The following GPHN variants were observed in gnomAD, a reference collection of about 807,000 sequenced individuals.
The protein encoded by GPHN is gephyrin.
GPHN carries 17 observed loss-of-function variants against 95.5 expected under a neutral mutation model. That is an observed-to-expected ratio of 0.18 (90% CI 0.12 to 0.27). The LOEUF is 0.27. GPHN is among the 10% of genes least tolerant of loss of function. The pLI is 1.00. For synonymous variants in GPHN, 320 were observed against 322.5 expected, an observed-to-expected ratio of 0.99 and a Z score of 0.08; for missense variants, 660 against 978.1, an observed-to-expected ratio of 0.67 and a Z score of 4.34.
chr14:67,210,575 G>A, the GPHN span, among the ~76,000 whole-genome samples: 3 of 152,094 alleles, frequency 2.0e-5, no homozygotes, highest in East Asian at 5.8e-4. Context: ...CATAGTTGAT[G>A]ATAAAAGGAA....
At chr14:66,533,685 G>C (rs2059026998) in intron 1 of GPHN, among the ~76,000 whole-genome samples, 1 of 152,190 alleles carries the variant, frequency 6.6e-6, no homozygotes, top group South Asian at 2.1e-4. Flanking sequence ...AGAGTGTCTA[G>C]GCTAAAGTAG....
intron 8 of GPHN, among the ~76,000 whole-genome samples, chr14:66,952,159 A>C (rs866806037): frequency 4.6e-5 from 7 of 152,076 alleles, no homozygotes; most frequent in African/African-American, 1.7e-4. Context: ...CACCGCTCCC[A>C]AAAAAACACC....
At chr14:66,934,553 C>T (rs2067003497) in intron 8 of GPHN, among the ~76,000 whole-genome samples, 1 of 152,216 alleles carries the variant, frequency 6.6e-6, no homozygotes, top group Non-Finnish European at 1.5e-5. Flanking sequence ...TAATTCAAAG[C>T]AGTCAGAGCC....
intron 1 of GPHN, 142 bp downstream of exon 1, chr14:66,508,733 G>A: frequency 2.6e-6 from 2 of 756,682 alleles, no homozygotes; most frequent in Non-Finnish European, 4.7e-6. Flanking sequence ...TTTTACAACC[G>A]CTGAGAACCG....
At chr14:66,752,083 T>G (rs2058387925) in intron 2 of GPHN, among the ~76,000 whole-genome samples, 1 of 152,120 alleles carries the variant, frequency 6.6e-6, no homozygotes, top group Non-Finnish European at 1.5e-5. Context: ...AGCTTCCAAC[T>G]TTTCTTCTGC....
At chr14:67,572,047 G>A in the GPHN span, 42 of 1,501,446 alleles carry the variant, frequency 2.8e-5, no homozygotes, top group Middle Eastern at 1.7e-4. Flanking sequence ...ACCGGGTCCC[G>A]GGTGGGTGGT....
At chr14:67,112,301 G>A (rs771688284) in intron 15 of GPHN, among the ~76,000 whole-genome samples, 2 of 152,120 alleles carry the variant, frequency 1.3e-5, no homozygotes, top group Non-Finnish European at 2.9e-5. Context: ...ATATGCTCTA[G>A]TGACTACCAA....
the GPHN span, chr14:67,395,366 G>A: frequency 1.9e-6 from 3 of 1,591,122 alleles, no homozygotes; most frequent in Non-Finnish European, 2.6e-6. Context: ...ACAGGCAGGA[G>A]AGGCTGCCAC....
At chr14:66,952,436 A>G (rs1483291327) in intron 8 of GPHN, among the ~76,000 whole-genome samples, 1 of 152,102 alleles carries the variant, frequency 6.6e-6, no homozygotes, top group African/African-American at 2.4e-5. Flanking sequence ...TTATTAGCTG[A>G]TGGTCATTTG....
intron 19 of GPHN, among the ~76,000 whole-genome samples, chr14:67,161,198 G>A (rs1344421168): frequency 6.6e-6 from 1 of 152,144 alleles, no homozygotes; most frequent in Non-Finnish European, 1.5e-5. Flanking sequence ...GGAGGCTGAG[G>A]CTGAAGAATC....
At chr14:67,237,464 C>T in the GPHN span, among the ~76,000 whole-genome samples, 1 of 151,808 alleles carries the variant, frequency 6.6e-6, no homozygotes, top group Non-Finnish European at 1.5e-5. Context: ...TGAAATGCAA[C>T]ATGAATATGT....
chr14:66,944,446 C>T (rs1326740276), intron 8 of GPHN, among the ~76,000 whole-genome samples: 1 of 152,210 alleles, frequency 6.6e-6, no homozygotes, highest in Non-Finnish European at 1.5e-5. Flanking sequence ...TTGCTACTGA[C>T]CATATGGAAA....
the GPHN span, chr14:67,340,302 T>G: frequency 1.4e-6 from 1 of 696,518 alleles, no homozygotes. Flanking sequence ...GGTAATAATA[T>G]TTCTTGCTGC....
At chr14:67,105,191 G>T (rs1255854628) in intron 13 of GPHN, among the ~76,000 whole-genome samples, 1 of 152,006 alleles carries the variant, frequency 6.6e-6, no homozygotes, top group South Asian at 2.1e-4. Flanking sequence ...CATTGTGGTT[G>T]GAAAAAAATT....
the GPHN span, among the ~76,000 whole-genome samples, chr14:67,630,084 C>T: frequency 1.3e-5 from 2 of 152,250 alleles, no homozygotes; most frequent in South Asian, 2.1e-4. Context: ...TTTTCCAGTT[C>T]GGGTAGGGAC....
chr14:67,012,207 C>G (rs2073053863), intron 9 of GPHN, among the ~76,000 whole-genome samples: 1 of 152,092 alleles, frequency 6.6e-6, no homozygotes, highest in Non-Finnish European at 1.5e-5. Flanking sequence ...GAGAATGCCT[C>G]AACACTTATA....
the GPHN span, among the ~76,000 whole-genome samples, chr14:67,732,919 C>G: frequency 6.2e-4 from 94 of 151,908 alleles, no homozygotes; most frequent in Admixed American, 2.5e-3. Flanking sequence ...CTGCATGTTC[C>G]GAATGTTTTA....
intron 1 of GPHN, among the ~76,000 whole-genome samples, chr14:66,658,395 G>C (rs1466956086): frequency 6.6e-6 from 1 of 152,158 alleles, no homozygotes; most frequent in East Asian, 1.9e-4. Flanking sequence ...GGCAGGATCT[G>C]TGAGGATTGA....
At chr14:67,191,803 G>C in the GPHN span, among the ~76,000 whole-genome samples, 1 of 152,292 alleles carries the variant, frequency 6.6e-6, no homozygotes, top group East Asian at 1.9e-4. Context: ...AAGAACTAGC[G>C]TTGGTTTCCG....
Sources: allele counts gnomAD v4.1 joint callset (sites outside exome capture counted in the v4.1 genomes callset), GRCh38; gene constraint gnomAD v4.1.1; transcripts MANE v1.5; gene names NCBI Gene and HGNC (gene_info 2026-07-23, HGNC 2026-07-21).